Variants in ARB2A observed in about 807,000 individuals in gnomAD.
ARB2A encodes ARB2 cotranscriptional regulator A.
At chr5:93,638,464 G>A in the ARB2A span, among the ~76,000 whole-genome samples, 14 of 152,092 alleles carry the variant, frequency 9.2e-5, no homozygotes, top group Admixed American at 2.6e-4. Flanking sequence ...TTAATACTGC[G>A]TATTTGTTGG....
At chr5:93,757,860 C>T in the ARB2A span, among the ~76,000 whole-genome samples, 1 of 152,050 alleles carries the variant, frequency 6.6e-6, no homozygotes, top group Non-Finnish European at 1.5e-5. Flanking sequence ...ACACAAGCAA[C>T]AAAGAGCAGG....
At chr5:93,946,584 G>C in the ARB2A span, among the ~76,000 whole-genome samples, 1 of 152,038 alleles carries the variant, frequency 6.6e-6, no homozygotes. Flanking sequence ...TACCATAACA[G>C]AAAGTGAATG....
the ARB2A span, among the ~76,000 whole-genome samples, chr5:94,036,871 T>C: frequency 1.3e-5 from 2 of 152,208 alleles, no homozygotes; most frequent in Admixed American, 6.5e-5. Context: ...TAGGTTGGCA[T>C]TTCAAGACCA....
At chr5:93,804,065 G>C in the ARB2A span, among the ~76,000 whole-genome samples, 1 of 151,908 alleles carries the variant, frequency 6.6e-6, no homozygotes, top group Non-Finnish European at 1.5e-5. Flanking sequence ...TTCCTTTCTA[G>C]AACATCTCAA....
chr5:93,906,051 C>T, the ARB2A span, among the ~76,000 whole-genome samples: 2 of 151,420 alleles, frequency 1.3e-5, no homozygotes, highest in African/African-American at 2.4e-5. Context: ...AAAGGCAATA[C>T]TAGAATATTT....
chr5:93,857,773 G>A, the ARB2A span, among the ~76,000 whole-genome samples: 5 of 152,126 alleles, frequency 3.3e-5, no homozygotes, highest in African/African-American at 1.2e-4. Flanking sequence ...TTCAGTTCAC[G>A]CATGGTGCGC....
At chr5:93,858,937 T>C in the ARB2A span, among the ~76,000 whole-genome samples, 5 of 152,036 alleles carry the variant, frequency 3.3e-5, no homozygotes, top group African/African-American at 4.8e-5. Flanking sequence ...AATTCTAACT[T>C]CAAATTAGTG....
the ARB2A span, among the ~76,000 whole-genome samples, chr5:94,059,521 C>G: frequency 6.9e-6 from 1 of 144,858 alleles, no homozygotes; most frequent in Admixed American, 7.3e-5. Context: ...CTTGGGAGGC[C>G]GAGGCAGGAG....
At chr5:93,972,414 A>C in the ARB2A span, among the ~76,000 whole-genome samples, 1 of 151,990 alleles carries the variant, frequency 6.6e-6, no homozygotes, top group Non-Finnish European at 1.5e-5. Flanking sequence ...AGTCATACCC[A>C]CAAGGGAAAA....
the ARB2A span, among the ~76,000 whole-genome samples, chr5:94,100,428 G>A: frequency 6.6e-6 from 1 of 152,042 alleles, no homozygotes; most frequent in Non-Finnish European, 1.5e-5. Flanking sequence ...CACAGAACTA[G>A]AAAAAATTAT....
At chr5:93,827,366 ATG>A in the ARB2A span, among the ~76,000 whole-genome samples, 1 of 152,034 alleles carries the variant, frequency 6.6e-6, no homozygotes, top group Non-Finnish European at 1.5e-5. Context: ...GCATTTTTTC[ATG>A]TGTCTTTTGG....
the ARB2A span, among the ~76,000 whole-genome samples, chr5:93,703,241 AG>A: frequency 1.3e-5 from 2 of 152,128 alleles, no homozygotes; most frequent in African/African-American, 4.8e-5. Flanking sequence ...GCAAACCTTC[AG>A]GAACTGCCTC....
chr5:93,950,754 C>T, the ARB2A span, among the ~76,000 whole-genome samples: 1 of 151,740 alleles, frequency 6.6e-6, no homozygotes, highest in Non-Finnish European at 1.5e-5. Flanking sequence ...ACTAGCCTGG[C>T]CAACAGGGTC....
the ARB2A span, among the ~76,000 whole-genome samples, chr5:93,665,154 A>G: frequency 1.3e-5 from 2 of 152,180 alleles, no homozygotes; most frequent in African/African-American, 2.4e-5. Flanking sequence ...TTTCATATGT[A>G]TATTCAATAA....
the ARB2A span, chr5:93,741,022 C>T: frequency 6.2e-7 from 1 of 1,613,790 alleles, no homozygotes; most frequent in Non-Finnish European, 8.5e-7. Flanking sequence ...CAGCAGTGGT[C>T]GCAGCTTCCA....
chr5:93,650,680 G>A, the ARB2A span, among the ~76,000 whole-genome samples: 7 of 152,046 alleles, frequency 4.6e-5, no homozygotes, highest in South Asian at 2.1e-4. Flanking sequence ...GCAAATAAAC[G>A]GGATAAATGC....
At chr5:93,639,926 T>A in the ARB2A span, among the ~76,000 whole-genome samples, 4 of 151,556 alleles carry the variant, frequency 2.6e-5, no homozygotes, top group South Asian at 8.4e-4. Flanking sequence ...GCGCCTGTAA[T>A]CCCAGCTACT....
chr5:94,101,667 C>G, the ARB2A span, among the ~76,000 whole-genome samples: 12 of 152,106 alleles, frequency 7.9e-5, no homozygotes, highest in African/African-American at 2.4e-4. Context: ...GGCTATCATC[C>G]TTAGCAAACT....
the ARB2A span, chr5:93,784,130 C>T: frequency 3.7e-6 from 1 of 269,942 alleles, no homozygotes. Flanking sequence ...AAGTTCCTAC[C>T]ATAGATTGAA....
Sources: allele counts gnomAD v4.1 joint callset (sites outside exome capture counted in the v4.1 genomes callset), GRCh38; gene constraint gnomAD v4.1.1; transcripts MANE v1.5; gene names NCBI Gene and HGNC (gene_info 2026-07-23, HGNC 2026-07-21).